The following LOC730098 variants were observed in gnomAD, a reference collection of about 807,000 sequenced individuals.
At chr9:34,665,586 T>G in the LOC730098 span, 1 of 631,300 alleles carries the variant, frequency 1.6e-6, no homozygotes, top group Non-Finnish European at 2.9e-6. Context: ...GCCTGGTTCC[T>G]CCTCCGCAGA....
the LOC730098 span, chr9:34,665,622 G>A: frequency 6.1e-6 from 4 of 655,164 alleles, no homozygotes; most frequent in South Asian, 3.0e-5. Flanking sequence ...CTCCTCCTCC[G>A]CCTCCAGCGC....
chr9:34,664,787 G>C, the LOC730098 span: 1 of 389,586 alleles, frequency 2.6e-6, no homozygotes, highest in South Asian at 1.3e-4. Context: ...GGGAGTAACA[G>C]GCAGGATTAT....
At chr9:34,665,508 G>A in the LOC730098 span, 1 of 697,168 alleles carries the variant, frequency 1.4e-6, no homozygotes, top group Admixed American at 2.0e-5. Flanking sequence ...TCGCGCCCAC[G>A]CCCCTGGGAG....
chr9:34,665,955 G>A, the LOC730098 span: 2 of 502,420 alleles, frequency 4.0e-6, no homozygotes, highest in South Asian at 4.6e-5. Context: ...CCCTGGGTGA[G>A]GATTTTCAGG....
At chr9:34,665,518 G>GGCTCGCCCTGCCCACC in the LOC730098 span, 6 of 698,936 alleles carry the variant, frequency 8.6e-6, no homozygotes, top group African/African-American at 1.0e-4. Context: ...GCCCCTGGGA[G>GGCTCGCCCTGCCCACC]GCTCGCCCTG....
chr9:34,664,694 TAC>T, the LOC730098 span: 198 of 216,586 alleles, frequency 9.1e-4, no homozygotes, highest in African/African-American at 4.3e-3. Flanking sequence ...GCCTGCATCC[TAC>T]ACCTCTGCTT....
At chr9:34,666,019 C>G in the LOC730098 span, 1 of 324,142 alleles carries the variant, frequency 3.1e-6, no homozygotes, top group African/African-American at 2.2e-5. Flanking sequence ...CCTAAACTCC[C>G]GCCCTCCCTG....
chr9:34,665,207 C>A, the LOC730098 span: 1 of 663,960 alleles, frequency 1.5e-6, no homozygotes, highest in Non-Finnish European at 2.7e-6. Context: ...GGCGACCCGA[C>A]ACTGGCATGA....
At chr9:34,665,103 G>A in the LOC730098 span, 34 of 600,686 alleles carry the variant, frequency 5.7e-5, no homozygotes, top group South Asian at 3.1e-4. Flanking sequence ...CACGACCCGA[G>A]CGCTGGGGAG....
the LOC730098 span, chr9:34,664,982 C>T: frequency 1.8e-6 from 1 of 551,962 alleles, no homozygotes; most frequent in Non-Finnish European, 3.2e-6. Flanking sequence ...GCGCTCGGCT[C>T]GAATGGCGAC....
chr9:34,665,195 G>A, the LOC730098 span: 1 of 652,768 alleles, frequency 1.5e-6, no homozygotes, highest in African/African-American at 1.8e-5. Flanking sequence ...GCCGAGCTGT[G>A]GGGCGACCCG....
the LOC730098 span, chr9:34,665,250 G>A: frequency 5.7e-6 from 4 of 697,548 alleles, no homozygotes; most frequent in Non-Finnish European, 7.8e-6. Flanking sequence ...TCCCCCCGAT[G>A]GGTCCTCAGA....
chr9:34,665,320 T>C, the LOC730098 span: 1 of 592,360 alleles, frequency 1.7e-6, no homozygotes, highest in Non-Finnish European at 3.1e-6. Context: ...TCACCTCCGC[T>C]CCCTCCGCCA....
At chr9:34,664,966 G>A in the LOC730098 span, 12 of 558,476 alleles carry the variant, frequency 2.1e-5, no homozygotes, top group East Asian at 3.3e-4. Context: ...GCCCGTGTGG[G>A]GAGGGGCGCT....
the LOC730098 span, chr9:34,665,938 T>C: frequency 3.2e-5 from 17 of 525,226 alleles, no homozygotes; most frequent in Admixed American, 6.0e-4. Flanking sequence ...GGCTGGGAGA[T>C]TTGGGGCCCT....
chr9:34,665,906 G>A, the LOC730098 span: 3 of 577,632 alleles, frequency 5.2e-6, no homozygotes, highest in East Asian at 8.8e-5. Context: ...GGGGGCCAGG[G>A]CGAGAGGTTT....
chr9:34,665,428 C>A, the LOC730098 span: 1 of 697,542 alleles, frequency 1.4e-6, no homozygotes, highest in Non-Finnish European at 2.6e-6. Context: ...AGGAGCTGAC[C>A]CTACAGACTC....
At chr9:34,665,841 G>A in the LOC730098 span, 1 of 605,312 alleles carries the variant, frequency 1.7e-6, no homozygotes, top group Non-Finnish European at 2.9e-6. Flanking sequence ...GATTTGGGAG[G>A]CACTGGAAGT....
chr9:34,665,576 G>T, the LOC730098 span: 1 of 480,696 alleles, frequency 2.1e-6, no homozygotes, highest in African/African-American at 2.3e-5. Context: ...CCCCGGAGCC[G>T]CCTGGTTCCT....
Sources: allele counts gnomAD v4.1 joint callset, GRCh38; gene constraint gnomAD v4.1.1; transcripts MANE v1.5.